The following F8 variants were observed in gnomAD, a reference collection of about 807,000 sequenced individuals.
F8 encodes coagulation factor VIII.
F8 carries 12 observed loss-of-function variants against 140.6 expected under a neutral mutation model. The ratio of observed to expected loss-of-function variants is 0.09; its 90% CI spans 0.05 to 0.14. The LOEUF (loss-of-function observed/expected upper bound fraction) is 0.14, where lower values mean the gene tolerates loss of function less well. Ranked by LOEUF, F8 falls within the 10% of genes least tolerant of loss-of-function variation. The pLI is 1.00. For missense variants in F8, 1,354 were observed against 1,720.7 expected, an observed-to-expected ratio of 0.79 and a Z score of 3.77; for synonymous variants, 585 against 614.6, an observed-to-expected ratio of 0.95 and a Z score of 0.71.
At chrX:154,845,675 TTC>T (rs2072560044) in intron 25 of F8, among the ~76,000 whole-genome samples, 1 of 112,156 alleles carries the variant, frequency 8.9e-6, no homozygotes, top group African/African-American at 3.2e-5. Context: ...TATTTGATTC[TTC>T]TCTCTTTTCT....
intron 22 of F8, among the ~76,000 whole-genome samples, chrX:154,890,389 T>C (rs2072934997): frequency 8.9e-6 from 1 of 111,947 alleles, no homozygotes; most frequent in African/African-American, 3.3e-5. Context: ...ATCGTTAAAA[T>C]ACAAAGATTG....
intron 25 of F8, among the ~76,000 whole-genome samples, chrX:154,838,177 A>T (rs1424949238): frequency 8.9e-6 from 1 of 112,305 alleles, no homozygotes; most frequent in Non-Finnish European, 1.9e-5. Context: ...CATGTTGGTG[A>T]CAACTTTAGA....
In F8 at chrX:154,939,679, G is replaced by A. The variant is rs1241946132; in HGVS notation, c.2114-8003C>T. On this transcript the variant is annotated intron_variant, in intron 13 of 25. Coordinates refer to ENST00000360256, the MANE Select transcript of F8 (RefSeq NM_000132.4). ...TTTGAAGAGAGTAGTGGTTCTCCCAGCACGCAGCTTGAGATCTGAGAACGG... is the reference window on the plus strand; with the variant it reads ...TTTGAAGAGAGTAGTGGTTCTCCCAACACGCAGCTTGAGATCTGAGAACGG... Among the ~76,000 whole-genome samples, 3 of 112,283 alleles carry A rather than the reference G, an allele frequency of 2.7e-5. No homozygotes were observed. In the East Asian group the frequency reaches 8.4e-4, roughly 31 times the overall value.
At chrX:154,864,130 T>C (rs1294541682) in intron 22 of F8, among the ~76,000 whole-genome samples, 1 of 112,492 alleles carries the variant, frequency 8.9e-6, no homozygotes, top group Non-Finnish European at 1.9e-5. Flanking sequence ...AGTCTTGCTG[T>C]ACCATGTTCT....
intron 25 of F8, among the ~76,000 whole-genome samples, chrX:154,855,235 A>G (rs1445787443): frequency 6.2e-5 from 7 of 112,113 alleles, no homozygotes; most frequent in Non-Finnish European, 1.3e-4. Context: ...TGTCAAACTA[A>G]TGAATATGAT....
At chrX:154,853,553 C>T (rs1462049610) in intron 25 of F8, among the ~76,000 whole-genome samples, 3 of 111,357 alleles carry the variant, frequency 2.7e-5, no homozygotes, top group African/African-American at 9.8e-5. Context: ...GAGGCCTAAA[C>T]TGGAGGTGCT....
At chrX:154,966,832 C>T in intron 7 of F8, 145 bp from the exon 8 acceptor site, 1 of 746,602 alleles carries the variant, frequency 1.3e-6, no homozygotes, top group East Asian at 3.4e-5. Context: ...CTGGCATCTG[C>T]TTGGCTTCAG....
In F8 at chrX:154,930,417, C is replaced by T; in HGVS notation, c.3373G>A (p.Ala1125Thr). Residue 1125 changes from alanine (A) to threonine (T), a missense_variant, in exon 14 of 26, where the codon GCA (alanine) becomes ACA (threonine). Coordinates refer to ENST00000360256, the MANE Select transcript of F8 (RefSeq NM_000132.4). ...CCATGAGTCCTTTGTATCCACCTTGCTGATTCTGGCAAGAATAGCATCTTA... is the reference window on the plus strand; with the variant it reads ...CCATGAGTCCTTTGTATCCACCTTGTTGATTCTGGCAAGAATAGCATCTTA... ...FFKMLFLPES[A>T]RWIQRTHGKN... The T allele has an allele frequency of 8.3e-7, 1 of 1,211,470 alleles. No individual in the cohort carries two copies. The highest frequency in any genetic ancestry group is 1.1e-6 in the Non-Finnish European group (1 of 895,284).
intron 1 of F8, among the ~76,000 whole-genome samples, chrX:155,014,969 C>A (rs1251001179): frequency 8.9e-6 from 1 of 111,819 alleles, no homozygotes; most frequent in Non-Finnish European, 1.9e-5. Context: ...ATATCAAAAG[C>A]AATTTCAATA....
At chrX:154,983,442 T>C (rs1215743070) in intron 6 of F8, among the ~76,000 whole-genome samples, 1 of 111,474 alleles carries the variant, frequency 9.0e-6, no homozygotes, top group Non-Finnish European at 1.9e-5. Context: ...GTGGATCTTG[T>C]GAAAATAGAG....
At chrX:154,919,660 T>C (rs2073118635) in intron 14 of F8, 8 of 533,454 alleles carry the variant, frequency 1.5e-5, no homozygotes, top group Non-Finnish European at 2.4e-5. Flanking sequence ...CCTTTGGATA[T>C]AATGCATGTC....
At chrX:154,959,248 T>C (rs1290415682) in intron 10 of F8, among the ~76,000 whole-genome samples, 1 of 110,923 alleles carries the variant, frequency 9.0e-6, no homozygotes, top group Non-Finnish European at 1.9e-5. Flanking sequence ...TAGCTGGGCA[T>C]GGTAGTGTGC....
intron 13 of F8, among the ~76,000 whole-genome samples, chrX:154,937,289 T>G (rs1175048492): frequency 9.0e-6 from 1 of 111,139 alleles, no homozygotes; most frequent in Admixed American, 9.6e-5. Flanking sequence ...CAAAAAAATT[T>G]TTTTAATTCC....
rs989649523 is a variant in F8 at position 154,976,543 on chromosome X, T to C, written c.788-6991A>G. On this transcript the variant is annotated intron_variant, in intron 6 of 25. Coordinates refer to ENST00000360256, the MANE Select transcript of F8 (RefSeq NM_000132.4). Reference sequence around the variant, plus strand: ...CACCCACTAACTCGTCATCTAGCATTAGGTATATCTCCTAATGCTATCCCT... The same window carrying C: ...CACCCACTAACTCGTCATCTAGCATCAGGTATATCTCCTAATGCTATCCCT... 4.5e-5 allele frequency among the ~76,000 whole-genome samples: 5 copies of C among 110,586 alleles called. No individual in the cohort carries two copies. The East Asian group carries it at 1.1e-3, about 25-fold the overall frequency.
chrX:154,846,639 G>C (rs1417832369), intron 25 of F8, among the ~76,000 whole-genome samples: 1 of 111,625 alleles, frequency 9.0e-6, no homozygotes, highest in African/African-American at 3.3e-5. Flanking sequence ...TTGCTTGGTA[G>C]ATCTTCCTCC....
At chrX:154,856,433 G>C (rs1212015792) in intron 25 of F8, among the ~76,000 whole-genome samples, 4 of 112,539 alleles carry the variant, frequency 3.6e-5, no homozygotes, top group Non-Finnish European at 7.5e-5. Flanking sequence ...GTTACCATAA[G>C]GGACAGCAGA....
At chrX:155,021,538 G>C (rs944465259) in intron 1 of F8, among the ~76,000 whole-genome samples, 1 of 111,389 alleles carries the variant, frequency 9.0e-6, no homozygotes, top group Non-Finnish European at 1.9e-5. Context: ...AATGAAAGTA[G>C]AAGCAGAAAC....
intron 9 of F8, among the ~76,000 whole-genome samples, chrX:154,963,081 C>T (rs1445741618): frequency 9.0e-6 from 1 of 111,667 alleles, no homozygotes; most frequent in African/African-American, 3.3e-5. Flanking sequence ...ATGGAATGTT[C>T]TTCCATTTGT....
chrX:154,845,531 G>C (rs1603431148), intron 25 of F8, among the ~76,000 whole-genome samples: 1 of 112,002 alleles, frequency 8.9e-6, no homozygotes, highest in South Asian at 3.6e-4. Context: ...GAGGGTGTAT[G>C]TGTCCAGGAA....
Sources: allele counts gnomAD v4.1 joint callset (sites outside exome capture counted in the v4.1 genomes callset), GRCh38; gene constraint gnomAD v4.1.1; transcripts MANE v1.5; gene names NCBI Gene and HGNC (gene_info 2026-07-23, HGNC 2026-07-21).